Variants in SLC24A3 observed in about 807,000 individuals in gnomAD.
SLC24A3 encodes the protein sodium/potassium/calcium exchanger 3.
SLC24A3 carries 28 observed loss-of-function variants against 75.8 expected under a neutral mutation model. That is an observed-to-expected ratio of 0.37 (90% confidence interval 0.27 to 0.51). The LOEUF (loss-of-function observed/expected upper bound fraction) is 0.51, where lower values mean the gene tolerates loss of function less well. Among genes scored for constraint, SLC24A3 ranks in the 20% least tolerant of loss-of-function variants. SLC24A3 has a pLI of 0.94. For missense variants in SLC24A3, 663 were observed against 847.8 expected (o/e 0.78, Z 2.71); for synonymous variants, 372 against 334.1 (o/e 1.11, Z -1.24).
intron 2 of SLC24A3, among the ~76,000 whole-genome samples, chr20:19,487,165 A>G (rs1199279613): frequency 3.3e-5 from 5 of 152,204 alleles, no homozygotes; most frequent in African/African-American, 7.2e-5. Flanking sequence ...AGCGTCTCCC[A>G]TAGAGCTGAG....
At chr20:19,383,940 A>T (rs957862944) in intron 2 of SLC24A3, among the ~76,000 whole-genome samples, 4 of 152,280 alleles carry the variant, frequency 2.6e-5, no homozygotes, top group African/African-American at 9.6e-5. Context: ...TTCAATTGTG[A>T]ATTTGGGGAG....
At chr20:19,472,315 C>T (rs879017801) in intron 2 of SLC24A3, among the ~76,000 whole-genome samples, 4 of 152,208 alleles carry the variant, frequency 2.6e-5, no homozygotes, top group African/African-American at 4.8e-5. Flanking sequence ...TCCAGTGAGG[C>T]GTTTTAAAAC....
intron 2 of SLC24A3, among the ~76,000 whole-genome samples, chr20:19,328,199 T>C (rs1319436730): frequency 6.6e-6 from 1 of 151,352 alleles, no homozygotes; most frequent in Non-Finnish European, 1.5e-5. Flanking sequence ...AGAGGGTCAG[T>C]GTGGCTGGAG....
intron 1 of SLC24A3, among the ~76,000 whole-genome samples, chr20:19,257,414 C>T (rs1439107400): frequency 6.6e-6 from 1 of 152,144 alleles, no homozygotes; most frequent in Admixed American, 6.5e-5. Flanking sequence ...TCCCAGCTGG[C>T]GTCAGCCAAG....
chr20:19,688,214 C>T (rs1313276382), intron 12 of SLC24A3, among the ~76,000 whole-genome samples: 1 of 152,152 alleles, frequency 6.6e-6, no homozygotes, highest in South Asian at 2.1e-4. Context: ...AATCAAGAAC[C>T]GGCTGCCCCC....
At position 19,654,261 on chromosome 20, in the gene SLC24A3, T is replaced by G. The variant is rs567955016; in HGVS notation, c.687+125T>G. 14 of 796,322 alleles carry G rather than the reference T, an allele frequency of 1.8e-5. No homozygotes were observed. In the African/African-American group the frequency reaches 2.4e-4, roughly 14 times the overall value. The allele number at this position is 796,322 out of a possible 1,614,324, so 49.3% of individuals were successfully genotyped here. A position where few individuals can be genotyped will look rare whatever the true frequency, so the allele number is the denominator to read the frequency against. Reference sequence around the variant, plus strand: ...GCGAGTGCGAGATGCATGTCTTTGCTTGGAGGCAGATTTATTTCTTTCAGC... The same window carrying G: ...GCGAGTGCGAGATGCATGTCTTTGCGTGGAGGCAGATTTATTTCTTTCAGC... On this transcript the variant is annotated intron_variant, in intron 7 of 16. Coordinates refer to ENST00000328041, the MANE Select transcript of SLC24A3 (RefSeq NM_020689.4).
intron 2 of SLC24A3, among the ~76,000 whole-genome samples, chr20:19,411,868 T>C (rs1240844846): frequency 6.6e-6 from 1 of 152,216 alleles, no homozygotes; most frequent in Non-Finnish European, 1.5e-5. Flanking sequence ...AATTTTTTTG[T>C]ACATATTTGG....
chr20:19,368,202 T>C (rs1269212682), intron 2 of SLC24A3, among the ~76,000 whole-genome samples: 1 of 152,032 alleles, frequency 6.6e-6, no homozygotes, highest in East Asian at 1.9e-4. Flanking sequence ...CTTTTAACCT[T>C]AGAAACATCA....
intron 14 of SLC24A3, 26 bp downstream of exon 14, chr20:19,696,937 AG>A: frequency 6.6e-6 from 5 of 754,302 alleles, no homozygotes; most frequent in Non-Finnish European, 1.1e-5. Flanking sequence ...GCAATGGGGA[AG>A]GAGGGAGGGA....
At position 19,511,275 on chromosome 20, in the gene SLC24A3, A is replaced by T. The variant is rs1282378114; in HGVS notation, c.272-4213A>T. ...CCAGCCTAAGGCATGGGCATTTGGAACCTATGAGGGAAGACTCACCTCTCA... is the reference window on the plus strand; with the variant it reads ...CCAGCCTAAGGCATGGGCATTTGGATCCTATGAGGGAAGACTCACCTCTCA... On this transcript the variant is annotated intron_variant, in intron 2 of 16. Coordinates refer to ENST00000328041, the MANE Select transcript of SLC24A3 (RefSeq NM_020689.4). Among the ~76,000 whole-genome samples, 6 of 151,658 alleles carry T rather than the reference A, an allele frequency of 4.0e-5. No individual in the cohort carries two copies. In the East Asian group the frequency reaches 1.2e-3, roughly 29 times the overall value.
intron 1 of SLC24A3, among the ~76,000 whole-genome samples, chr20:19,263,059 G>A (rs1983045222): frequency 6.6e-6 from 1 of 151,652 alleles, no homozygotes; most frequent in African/African-American, 2.4e-5. Context: ...GTGTGTGTGT[G>A]TGTGTGTGTG....
chr20:19,645,190 A>G lies in SLC24A3; in HGVS notation c.613-8872A>G, dbSNP rs143963473. Among the ~76,000 whole-genome samples the G allele has an allele frequency of 5.1e-3, 783 of 152,336 alleles. 6 individuals carry two copies. Among genetic ancestry groups the G allele is most frequent in the African/African-American group, 0.016 (682 of 41,568 alleles). Reference sequence around the variant, plus strand: ...TCAATGTTTTGATGACTAGATTTCAATAAATCAGTTTCCTAGTGATTCTAT... The same window carrying G: ...TCAATGTTTTGATGACTAGATTTCAGTAAATCAGTTTCCTAGTGATTCTAT... On this transcript the variant is annotated intron_variant, in intron 6 of 16. Transcript: ENST00000328041.
At chr20:19,612,167 C>A (rs896576283) in intron 6 of SLC24A3, among the ~76,000 whole-genome samples, 6 of 152,200 alleles carry the variant, frequency 3.9e-5, no homozygotes, top group African/African-American at 1.4e-4. Context: ...ATCAAATCTT[C>A]TAAGTAAATG....
chr20:19,246,669 C>T (rs1440255285), intron 1 of SLC24A3, among the ~76,000 whole-genome samples: 1 of 152,130 alleles, frequency 6.6e-6, no homozygotes, highest in Admixed American at 6.5e-5. Context: ...TGTAATTTAT[C>T]TCATGAACAG....
intron 2 of SLC24A3, among the ~76,000 whole-genome samples, chr20:19,325,793 T>TATATATATATATAC (rs1984839177): frequency 1.2e-5 from 1 of 82,804 alleles, no homozygotes; most frequent in African/African-American, 4.7e-5. Flanking sequence ...TATATATATA[T>TATATATATATATAC]ATAGAGAGAG....
At chr20:19,467,650 G>A (rs1035153217) in intron 2 of SLC24A3, among the ~76,000 whole-genome samples, 2 of 152,184 alleles carry the variant, frequency 1.3e-5, no homozygotes, top group African/African-American at 4.8e-5. Context: ...AGAGCCCGAG[G>A]AGTGTGGATC....
intron 2 of SLC24A3, among the ~76,000 whole-genome samples, chr20:19,315,496 A>C (rs1468958928): frequency 2.1e-5 from 3 of 145,330 alleles, no homozygotes; most frequent in Non-Finnish European, 4.7e-5. Context: ...GGTCTTAGAA[A>C]GTCTTAGAAA....
intron 2 of SLC24A3, among the ~76,000 whole-genome samples, chr20:19,411,090 T>G (rs1309725703): frequency 6.6e-6 from 1 of 152,226 alleles, no homozygotes; most frequent in Non-Finnish European, 1.5e-5. Flanking sequence ...TCTGCCATTT[T>G]GGGCACCGAT....
chr20:19,672,211 G>A (rs536289963), intron 8 of SLC24A3, among the ~76,000 whole-genome samples: 8 of 152,270 alleles, frequency 5.3e-5, no homozygotes, highest in Non-Finnish European at 1.0e-4. Context: ...CCTTTAAGAA[G>A]TTTTGCCATG....
Sources: gnomAD v4.1 joint callset for allele counts (sites outside exome capture counted in the v4.1 genomes callset) on GRCh38, gnomAD v4.1.1 for gene constraint, MANE v1.5 for transcripts, NCBI Gene and HGNC (gene_info 2026-07-23, HGNC 2026-07-21) for gene names.